The following CCDC170 variants were observed in gnomAD, a reference collection of about 807,000 sequenced individuals.
CCDC170 encodes coiled-coil domain-containing protein 170.
CCDC170 carries 69 observed loss-of-function variants against 72.6 expected under a neutral mutation model. That is an observed-to-expected ratio of 0.95 (90% CI 0.78 to 1.16). CCDC170 has a LOEUF of 1.16. Among genes scored for constraint, CCDC170 ranks in the 50% most tolerant of loss-of-function variants. The pLI is 0.00. For missense variants in CCDC170, 852 were observed against 832.5 expected (o/e 1.02, Z -0.29); for synonymous variants, 300 against 303.9 (o/e 0.99, Z 0.13).
At chr6:151,516,784 G>C (rs1228701273) in intron 1 of CCDC170, among the ~76,000 whole-genome samples, 1 of 152,194 alleles carries the variant, frequency 6.6e-6, no homozygotes, top group Non-Finnish European at 1.5e-5. Flanking sequence ...AACCAGGTGC[G>C]ATGTTTACCT....
At chr6:151,548,197 G>A (rs910770088) in intron 4 of CCDC170, 107 bp from the exon 5 acceptor site, 19 of 959,756 alleles carry the variant, frequency 2.0e-5, no homozygotes, top group Non-Finnish European at 2.2e-5. Flanking sequence ...TAGGGATAGT[G>A]CTCTTACATT....
rs577834312 is a variant in CCDC170, at chr6:151,533,056, T to C, written c.58-3262T>C. Among the ~76,000 whole-genome samples the C allele has an allele frequency of 9.2e-4, 135 of 147,460 alleles. 1 individual carries two copies. The East Asian group carries it at 0.023, about 26-fold the overall frequency. ...CAATACCTCTTGACTATTTCTCTTT[T>C]TTTTTTTTTTTTTTTGAGATGGAGT... On this transcript the variant is annotated intron_variant, in intron 1 of 10. Transcript: ENST00000239374.
At chr6:151,507,906 T>G (rs1298888303) in intron 1 of CCDC170, among the ~76,000 whole-genome samples, 1 of 147,178 alleles carries the variant, frequency 6.8e-6, no homozygotes, top group African/African-American at 2.6e-5. Context: ...GATAACAGAG[T>G]GAGCTCCATC....
At chr6:151,612,669 T>A (rs955897365) in intron 9 of CCDC170, among the ~76,000 whole-genome samples, 15 of 151,930 alleles carry the variant, frequency 9.9e-5, no homozygotes, top group African/African-American at 3.6e-4. Context: ...TTCCTGACAA[T>A]CTCCCCCTTT....
intron 5 of CCDC170, among the ~76,000 whole-genome samples, chr6:151,572,769 G>A (rs916056397): frequency 8.1e-5 from 12 of 148,086 alleles, no homozygotes; most frequent in African/African-American, 3.0e-4. Flanking sequence ...CCTGCCTCAG[G>A]CTCCCGAGTA....
chr6:151,523,676 ACT>A (rs893881042), intron 1 of CCDC170, among the ~76,000 whole-genome samples: 3 of 142,002 alleles, frequency 2.1e-5, no homozygotes, highest in Non-Finnish European at 4.5e-5. Flanking sequence ...ACAGAGTAAG[ACT>A]CTGTCTCAAA....
intron 7 of CCDC170, among the ~76,000 whole-genome samples, chr6:151,587,009 C>G (rs576664527): frequency 2.0e-5 from 3 of 152,046 alleles, no homozygotes; most frequent in Non-Finnish European, 4.4e-5. Flanking sequence ...TGGTCTCGAT[C>G]TCCTGACCTC....
At chr6:151,494,653 T>G (rs1781883701) in intron 1 of CCDC170, among the ~76,000 whole-genome samples, 2 of 152,216 alleles carry the variant, frequency 1.3e-5, no homozygotes, top group Non-Finnish European at 2.9e-5. Context: ...CAGTTGTTCC[T>G]GAATGCATCT....
intron 7 of CCDC170, among the ~76,000 whole-genome samples, chr6:151,591,151 G>A (rs1367102485): frequency 6.6e-6 from 1 of 152,080 alleles, no homozygotes; most frequent in Non-Finnish European, 1.5e-5. Flanking sequence ...AGCTAGTTCT[G>A]GGCTTTAATC....
At chr6:151,519,245 A>G (rs1351300259) in intron 1 of CCDC170, among the ~76,000 whole-genome samples, 1 of 152,096 alleles carries the variant, frequency 6.6e-6, no homozygotes, top group East Asian at 1.9e-4. Context: ...TTCCTTCCCC[A>G]GGGTATTAAT....
At chr6:151,528,853 G>A (rs953842319) in intron 1 of CCDC170, among the ~76,000 whole-genome samples, 6 of 151,170 alleles carry the variant, frequency 4.0e-5, no homozygotes, top group Non-Finnish European at 8.8e-5. Context: ...ATATATATAT[G>A]TATATATAAG....
intron 1 of CCDC170, among the ~76,000 whole-genome samples, chr6:151,516,685 A>G (rs1419986018): frequency 6.6e-6 from 1 of 152,270 alleles, no homozygotes; most frequent in African/African-American, 2.4e-5. Context: ...CCTGAAAGGG[A>G]AAAACTGGTC....
chr6:151,591,573 T>C (rs935726246), intron 7 of CCDC170, among the ~76,000 whole-genome samples: 2 of 151,940 alleles, frequency 1.3e-5, no homozygotes, highest in African/African-American at 2.4e-5. Context: ...CGGCTTACTA[T>C]AAGCTCCGCC....
intron 9 of CCDC170, among the ~76,000 whole-genome samples, chr6:151,614,329 T>C (rs1014192443): frequency 6.6e-6 from 1 of 152,214 alleles, no homozygotes; most frequent in Non-Finnish European, 1.5e-5. Flanking sequence ...TCCTATGAAT[T>C]AGCCTATTCT....
rs537327569 is a variant in CCDC170 at position 151,546,382 on chromosome 6, G to A, written c.588+1666G>A. Among the ~76,000 whole-genome samples the A allele has an allele frequency of 5.3e-5, 8 of 152,266 alleles. No homozygotes were observed. The East Asian group carries it at 7.7e-4, about 15-fold the overall frequency. Reference sequence around the variant, plus strand: ...AGGGAATTCAGAAGCTGCTTCTTCCGTGACACACTTTTCTCTATCGGACAC... The same window carrying A: ...AGGGAATTCAGAAGCTGCTTCTTCCATGACACACTTTTCTCTATCGGACAC... On this transcript the variant is annotated intron_variant, in intron 4 of 10. Coordinates refer to ENST00000239374, the MANE Select transcript of CCDC170 (RefSeq NM_025059.4).
chr6:151,564,956 T>C (rs1350024648), intron 5 of CCDC170, among the ~76,000 whole-genome samples: 3 of 151,500 alleles, frequency 2.0e-5, no homozygotes, highest in Non-Finnish European at 4.4e-5. Flanking sequence ...CTGGAGAAGG[T>C]GGGGTTGCTT....
intron 1 of CCDC170, among the ~76,000 whole-genome samples, chr6:151,503,883 G>A (rs1192939062): frequency 2.6e-5 from 4 of 152,164 alleles, no homozygotes; most frequent in Non-Finnish European, 5.9e-5. Flanking sequence ...GTTTTTCTCA[G>A]TGCATTGCAG....
At chr6:151,558,176 A>G (rs951694411) in intron 5 of CCDC170, among the ~76,000 whole-genome samples, 8 of 133,752 alleles carry the variant, frequency 6.0e-5, no homozygotes, top group African/African-American at 2.3e-4. Flanking sequence ...ATTCATGTCT[A>G]TTCATGTTCT....
rs182116212 is a variant in CCDC170, at chr6:151,567,887, C to T, written c.775-5287C>T. On this transcript the variant is annotated intron_variant, in intron 5 of 10. Coordinates refer to ENST00000239374, the MANE Select transcript of CCDC170 (RefSeq NM_025059.4). ...ACTTTGGGAGGCCGAGGCAGGCAGGCGGGTCACAAGGTCAGGAGTTCAAGA... is the reference window on the plus strand; with the variant it reads ...ACTTTGGGAGGCCGAGGCAGGCAGGTGGGTCACAAGGTCAGGAGTTCAAGA... Among the ~76,000 whole-genome samples, 1,432 of 151,860 alleles carry T rather than the reference C, an allele frequency of 9.4e-3. 14 individuals carry two copies. The highest frequency in any genetic ancestry group is 0.033 in the African/African-American group (1,368 of 41,410).
Sources: gnomAD v4.1 joint callset for allele counts (sites outside exome capture counted in the v4.1 genomes callset) on GRCh38, gnomAD v4.1.1 for gene constraint, MANE v1.5 for transcripts, NCBI Gene and HGNC (gene_info 2026-07-23, HGNC 2026-07-21) for gene names.